The following BIRC6 variants were observed in gnomAD, a reference collection of about 807,000 sequenced individuals.
BIRC6 encodes baculoviral IAP repeat containing 6.
BIRC6 carries 98 observed loss-of-function variants against 503.3 expected under a neutral mutation model. The observed-to-expected ratio is 0.19, with a 90% CI of 0.17 to 0.23. The LOEUF (loss-of-function observed/expected upper bound fraction) is 0.23. BIRC6 is among the 10% of genes least tolerant of loss of function. The probability of loss-of-function intolerance (pLI) is 1.00; values close to 1 mark genes in which losing one functional copy is unlikely to be tolerated. For synonymous variants in BIRC6, 2,240 were observed against 2,078.7 expected (o/e 1.08, Z -2.11); for missense variants, 5,360 against 5,806.0 (o/e 0.92, Z 2.50).
chr2:32,541,480 T>C (rs1388691595), intron 61 of BIRC6, among the ~76,000 whole-genome samples: 2 of 151,978 alleles, frequency 1.3e-5, no homozygotes, highest in African/African-American at 4.8e-5. Flanking sequence ...AAGGAAGAAA[T>C]AGTGAACTAA....
At chr2:32,404,571 C>G (rs2040980257) in intron 8 of BIRC6, among the ~76,000 whole-genome samples, 2 of 152,122 alleles carry the variant, frequency 1.3e-5, no homozygotes, top group South Asian at 4.1e-4. Context: ...GCTTCAGCCT[C>G]CAAAAGTGCT....
At chr2:32,401,012 A>G in intron 6 of BIRC6, 151 bp from the exon 7 acceptor site, 1 of 667,360 alleles carries the variant, frequency 1.5e-6, no homozygotes, top group Non-Finnish European at 2.5e-6. Context: ...AGTGATCTTC[A>G]TAAAACTGAA....
intron 1 of BIRC6, among the ~76,000 whole-genome samples, chr2:32,372,668 A>G (rs996554116): frequency 6.6e-6 from 1 of 152,078 alleles, no homozygotes; most frequent in Non-Finnish European, 1.5e-5. Flanking sequence ...GTATCTACAA[A>G]AAATACTAAA....
At chr2:32,541,022 A>G (rs938749709) in intron 61 of BIRC6, among the ~76,000 whole-genome samples, 1 of 152,070 alleles carries the variant, frequency 6.6e-6, no homozygotes, top group East Asian at 1.9e-4. Flanking sequence ...TTTGAATGCT[A>G]TAAATTGAGA....
In BIRC6 at chr2:32,386,442, C is replaced by CTTTTTTTTTTTT. The variant is rs752857568; in HGVS notation, c.646-2307_646-2306insTTTTTTTTTTTT. Among the ~76,000 whole-genome samples, 3 of 147,820 alleles carry CTTTTTTTTTTTT rather than the reference C, an allele frequency of 2.0e-5. 1 individual carries two copies. Among genetic ancestry groups the CTTTTTTTTTTTT allele is most frequent in the African/African-American group, 5.0e-5 (2 of 40,200 alleles). On this transcript the variant is annotated intron_variant, in intron 3 of 73. Transcript: ENST00000421745. ...ACCTCTGTATCTTTTAAGTCTCTCT[C>CTTTTTTTTTTTT]TCTTTTTTTTTTTTTTTCCAATACA...
chr2:32,476,989 C>T (rs1370614746), intron 34 of BIRC6, among the ~76,000 whole-genome samples: 2 of 152,048 alleles, frequency 1.3e-5, no homozygotes, highest in Middle Eastern at 3.2e-3. Context: ...TGAAGTAACT[C>T]GAATTAATAT....
chr2:32,385,604 C>T (rs564530591), intron 3 of BIRC6, among the ~76,000 whole-genome samples: 1 of 152,162 alleles, frequency 6.6e-6, no homozygotes, highest in Non-Finnish European at 1.5e-5. Context: ...GTGATTGTCC[C>T]AATTAGGTTG....
chr2:32,491,701 GTAA>G (rs2051735281), intron 44 of BIRC6, 143 bp downstream of exon 44: 3 of 904,598 alleles, frequency 3.3e-6, no homozygotes, highest in Middle Eastern at 2.6e-4. Context: ...TTTGTTATTT[GTAA>G]TAATAGCTAT....
intron 45 of BIRC6, among the ~76,000 whole-genome samples, 167 bp from the exon 46 acceptor site, chr2:32,499,380 A>G (rs1003947771): frequency 3.9e-5 from 6 of 152,236 alleles, no homozygotes; most frequent in Non-Finnish European, 8.8e-5. Context: ...GATGAAAACT[A>G]TTAGCTACCT....
chr2:32,436,291 C>A, intron 15 of BIRC6, 107 bp downstream of exon 15: 1 of 1,062,582 alleles, frequency 9.4e-7, no homozygotes, highest in Non-Finnish European at 1.2e-6. Flanking sequence ...TTGGGACTTT[C>A]GTTCGAAATT....
intron 39 of BIRC6, 81 bp from the exon 40 acceptor site, chr2:32,485,562 G>A: frequency 1.1e-6 from 1 of 917,620 alleles, no homozygotes; most frequent in Non-Finnish European, 1.7e-6. Flanking sequence ...CTTGGGTTCA[G>A]ATGTCATCAT....
chr2:32,381,438 C>T (rs1203491533), intron 3 of BIRC6, among the ~76,000 whole-genome samples: 1 of 151,610 alleles, frequency 6.6e-6, no homozygotes. Context: ...CAGGGTTTCG[C>T]CATGTTGGTC....
intron 17 of BIRC6, among the ~76,000 whole-genome samples, chr2:32,441,809 G>A (rs1198153806): frequency 1.1e-4 from 17 of 151,644 alleles, no homozygotes; most frequent in Admixed American, 1.1e-3. Context: ...ACAACAGAGG[G>A]ACACCCAATC....
intron 9 of BIRC6, among the ~76,000 whole-genome samples, chr2:32,414,163 G>C (rs1283941094): frequency 2.6e-5 from 4 of 151,976 alleles, no homozygotes; most frequent in Admixed American, 6.6e-5. Flanking sequence ...TGGTGGCACA[G>C]CTATTCTTGC....
chr2:32,610,535 G>A (rs1160425831), intron 72 of BIRC6, among the ~76,000 whole-genome samples: 1 of 152,184 alleles, frequency 6.6e-6, no homozygotes, highest in Non-Finnish European at 1.5e-5. Context: ...TTGGCATTTA[G>A]AATATACTTA....
intron 23 of BIRC6, among the ~76,000 whole-genome samples, chr2:32,456,466 A>C (rs1162044367): frequency 6.6e-6 from 1 of 152,228 alleles, no homozygotes; most frequent in Non-Finnish European, 1.5e-5. Context: ...AGCTAATAGT[A>C]CTGATGGATA....
chr2:32,482,206 T>G lies in BIRC6; in HGVS notation c.7543-223T>G, dbSNP rs957395185. ...AGAGATTTTATTAGGGATGCTACTT[T>G]CAGTTTCTAAACATATAAGGTATTT... On this transcript the variant is annotated intron_variant, in intron 38 of 73. Transcript: ENST00000421745. 2.6e-5 allele frequency among the ~76,000 whole-genome samples: 4 copies of G among 152,332 alleles called. No homozygotes were observed. The East Asian group carries it at 7.7e-4, about 29-fold the overall frequency.
At chr2:32,443,312 C>T (rs564522028) in intron 19 of BIRC6, 179 bp from the exon 20 acceptor site, 5 of 522,238 alleles carry the variant, frequency 9.6e-6, no homozygotes, top group Non-Finnish European at 1.3e-5. Flanking sequence ...ATATTTACAA[C>T]CCTCCTTAGT....
At chr2:32,559,675 A>G (rs929738857) in intron 65 of BIRC6, among the ~76,000 whole-genome samples, 24 of 151,252 alleles carry the variant, frequency 1.6e-4, no homozygotes, top group South Asian at 2.1e-4. Context: ...GCTCTACATT[A>G]GTTTTCCAAG....
Sources: allele counts gnomAD v4.1 joint callset (sites outside exome capture counted in the v4.1 genomes callset), GRCh38; gene constraint gnomAD v4.1.1; transcripts MANE v1.5; gene names NCBI Gene and HGNC (gene_info 2026-07-23, HGNC 2026-07-21).